OR2AP1: variants seen among roughly 807,000 people sequenced by gnomAD.
OR2AP1 encodes the protein olfactory receptor family 2 subfamily AP member 1.
Under a neutral mutation model 13.9 loss-of-function variants are expected in OR2AP1, and 20 were observed. The ratio of observed to expected loss-of-function variants is 1.44; its 90% CI spans 1.01 to 2.09. The LOEUF (loss-of-function observed/expected upper bound fraction) is 2.09. Among genes scored for constraint, OR2AP1 ranks in the 30% most tolerant of loss-of-function variants. The pLI is 0.00. For synonymous variants in OR2AP1, 174 were observed against 137.0 expected (o/e 1.27, Z -1.89); for missense variants, 490 against 360.6 (o/e 1.36, Z -2.91).
In OR2AP1 at chr12:55,574,211, C is replaced by T; in HGVS notation, c.-195-9C>T. 1.8e-6 allele frequency: 1 copy of T among 552,780 alleles called. No homozygotes were observed. Among genetic ancestry groups the T allele is most frequent in the Admixed American group, 3.5e-5 (1 of 28,910 alleles). 34.2% of individuals were successfully genotyped at this position (552,780 alleles called of 1,614,324 possible). A position where few individuals can be genotyped will look rare whatever the true frequency, so the allele number is the denominator to read the frequency against. ...GTGGAAACATAATGACAAGAACTTTCCTCCATAGGGCAAATGGGACTGGGA... is the reference window on the plus strand; with the variant it reads ...GTGGAAACATAATGACAAGAACTTTTCTCCATAGGGCAAATGGGACTGGGA... On this transcript the variant is annotated splice_polypyrimidine_tract_variant and intron_variant, in intron 1 of 1. Coordinates refer to ENST00000641114, the MANE Select transcript of OR2AP1 (RefSeq NM_001258285.2).
In OR2AP1 at chr12:55,574,767, A is replaced by G. The variant is rs1323712896; in HGVS notation, c.353A>G (p.Tyr118Cys). The G allele has an allele frequency of 1.9e-6, 3 of 1,605,334 alleles. No individual in the cohort carries two copies. Among genetic ancestry groups the G allele is most frequent in the East Asian group, 4.5e-5 (2 of 44,562 alleles). Residue 118 changes from tyrosine to cysteine, a missense_variant, in exon 2 of 2, where the codon TAT becomes TGT. Transcript: ENST00000641114. Reference sequence around the variant, plus strand: ...TTTTACCTTCTGGCTGCCATGTCCTATGACCGCTATGTGGCCATCTGCAAA... The same window carrying G: ...TTTTACCTTCTGGCTGCCATGTCCTGTGACCGCTATGTGGCCATCTGCAAA... Reference protein sequence around the residue: ...TEFYLLAAMSYDRYVAICKPL... With the variant: ...TEFYLLAAMSCDRYVAICKPL...
Position 55,575,253 on chromosome 12 carries a change from C to A in OR2AP1, c.839C>A (p.Ala280Asp). Residue 280 changes from alanine to aspartate, a missense_variant, in exon 2 of 2, where the codon GCT becomes GAT. By Grantham distance (126) the Ala-to-Asp change is moderately radical. Coordinates refer to ENST00000641114, the MANE Select transcript of OR2AP1 (RefSeq NM_001258285.2). ...GTAGCTCTACTCATTACTTCAGTTG[C>A]TCCTTTGTTGAACCCCTTTATTTAC... ...KGVALLITSV[A>D]PLLNPFIYTL... is the part of the protein sequence containing the mutation. 6.4e-7 allele frequency: 1 copy of A among 1,555,438 alleles called. No homozygotes were observed. The highest frequency in any genetic ancestry group is 8.7e-7 in the Non-Finnish European group (1 of 1,155,564).
intron 1 of OR2AP1, 47 bp from the exon 2 acceptor site, chr12:55,574,173 G>A (rs1592345748): frequency 4.3e-6 from 2 of 468,448 alleles, no homozygotes; most frequent in East Asian, 6.9e-5. Flanking sequence ...GTGAGCACTA[G>A]GGAGAGTACA....
rs1458859901 is a variant in OR2AP1, at chr12:55,575,234, C to T, written c.820C>T (p.Leu274=). The change falls in exon 2 of 2, where the codon CTA becomes TTA. Residue 274 remains leucine, a synonymous_variant. Coordinates refer to ENST00000641114, the MANE Select transcript of OR2AP1 (RefSeq NM_001258285.2). Reference sequence around the variant, plus strand: ...GGATACATTCAACAAGGGAGTAGCTCTACTCATTACTTCAGTTGCTCCTTT... The same window carrying T: ...GGATACATTCAACAAGGGAGTAGCTTTACTCATTACTTCAGTTGCTCCTTT... ...EGDTFNKGVA[L]LITSVAPLLN... 5 of 1,569,842 alleles carry T rather than the reference C, an allele frequency of 3.2e-6. No individual in the cohort carries two copies. In the South Asian group the frequency reaches 5.7e-5, roughly 18 times the overall value.
rs894168331 is a variant in OR2AP1, at chr12:55,574,615, G to A, written c.201G>A (p.Leu67=). ...MYFFLRNFSF[L]EISFTNIFIP... ...TCTTTCTCCGGAACTTCTCCTTCTT[G>A]GAAATTTCCTTCACAAACATCTTCA... Residue 67 remains leucine (L), a synonymous_variant, in exon 2 of 2, where the codon TTG becomes TTA. Coordinates refer to ENST00000641114, the MANE Select transcript of OR2AP1 (RefSeq NM_001258285.2). The A allele has an allele frequency of 1.9e-6, 3 of 1,541,438 alleles. No homozygotes were observed. The highest frequency in any genetic ancestry group is 1.4e-5 in the African/African-American group (1 of 73,162).
rs1368522925 is a variant in OR2AP1, at chr12:55,574,203, A to G, written c.-195-17A>G. 3.7e-6 allele frequency: 2 copies of G among 545,994 alleles called. No homozygotes were observed. The highest frequency in any genetic ancestry group is 6.4e-6 in the Non-Finnish European group (2 of 310,720). 33.8% of individuals were successfully genotyped at this position (545,994 alleles called of 1,614,324 possible). ...AGTACAATGTGGAAACATAATGACA[A>G]GAACTTTCCTCCATAGGGCAAATGG... On this transcript the variant is annotated splice_polypyrimidine_tract_variant and intron_variant, in intron 1 of 1. Transcript: ENST00000641114.
In OR2AP1 at chr12:55,574,185, T is replaced by C. The variant is rs1218516346; in HGVS notation, c.-195-35T>C. On this transcript the variant is annotated intron_variant, in intron 1 of 1. Coordinates refer to ENST00000641114, the MANE Select transcript of OR2AP1 (RefSeq NM_001258285.2). ...CATGTGAGCACTAGGGAGAGTACAA[T>C]GTGGAAACATAATGACAAGAACTTT... 1.5e-5 allele frequency: 8 copies of C among 517,072 alleles called. No homozygotes were observed. The Admixed American group carries it at 2.5e-4, about 16-fold the overall frequency. The allele number at this position is 517,072 out of a possible 1,614,324, so 32.0% of individuals were successfully genotyped here.
Position 55,575,210 on chromosome 12 carries a change from G to T in OR2AP1, c.796G>T (p.Asp266Tyr), listed in dbSNP as rs17117692. Residue 266 changes from aspartate (D) to tyrosine (Y), a missense_variant, in exon 2 of 2, where the codon GAT becomes TAT. Transcript: ENST00000641114. ...CATTAATCCCTCTGCAAAAGAAGGGGATACATTCAACAAGGGAGTAGCTCT... is the reference window on the plus strand; with the variant it reads ...CATTAATCCCTCTGCAAAAGAAGGGTATACATTCAACAAGGGAGTAGCTCT... Reference protein sequence around the residue: ...MYINPSAKEGDTFNKGVALLI... With the variant: ...MYINPSAKEGYTFNKGVALLI... The T allele has an allele frequency of 6.3e-7, 1 of 1,588,008 alleles. No individual in the cohort carries two copies. The highest frequency in any genetic ancestry group is 2.3e-5 in the East Asian group (1 of 44,318).
intron 1 of OR2AP1, among the ~76,000 whole-genome samples, chr12:55,573,314 TG>T (rs1874469934): frequency 6.6e-6 from 1 of 152,116 alleles, no homozygotes; most frequent in South Asian, 2.1e-4. Context: ...TTAAAGCTGC[TG>T]CCTTATAAAC....
Position 55,574,234 on chromosome 12 carries a change from G to A in OR2AP1, c.-181G>A. The A allele has an allele frequency of 1.7e-6, 1 of 584,218 alleles. No homozygotes were observed. The highest frequency in any genetic ancestry group is 3.0e-6 in the Non-Finnish European group (1 of 331,644). The allele number at this position is 584,218 out of a possible 1,614,324, so 36.2% of individuals were successfully genotyped here. A position where few individuals can be genotyped will look rare whatever the true frequency, so the allele number is the denominator to read the frequency against. On this transcript the variant is annotated 5_prime_UTR_variant, in exon 2 of 2. Transcript: ENST00000641114. ...TTCCTCCATAGGGCAAATGGGACTG[G>A]GAAGGATCCAACATCATTCAAATGG...
rs1310742263 is a variant in OR2AP1 at position 55,574,709 on chromosome 12, T to C, written c.295T>C (p.Tyr99His). 4 of 1,566,818 alleles carry C rather than the reference T, an allele frequency of 2.6e-6. No homozygotes were observed. The highest frequency in any genetic ancestry group is 2.4e-5 in the East Asian group (1 of 42,338). ...CAGCTTTGCTGGCTGCTTCACTCAGTATTTCTTTGCCATGTTCCTTGGGGC... is the reference window on the plus strand; with the variant it reads ...CAGCTTTGCTGGCTGCTTCACTCAGCATTTCTTTGCCATGTTCCTTGGGGC... ...SISFAGCFTQ[Y>H]FFAMFLGATE... Residue 99 changes from tyrosine to histidine, a missense_variant, in exon 2 of 2, where the codon TAT becomes CAT. Physicochemically the swap from Tyr to His is moderately conservative, Grantham distance 83. Transcript: ENST00000641114.
Position 55,575,474 on chromosome 12 carries a change from A to T in OR2AP1, c.*130A>T, listed in dbSNP as rs534361844. 146 of 576,478 alleles carry T rather than the reference A, an allele frequency of 2.5e-4. No homozygotes were observed. The highest frequency in any genetic ancestry group is 1.4e-3 in the Middle Eastern group (3 of 2,136). 35.7% of individuals were successfully genotyped at this position (576,478 alleles called of 1,614,324 possible). A position where few individuals can be genotyped will look rare whatever the true frequency, so the allele number is the denominator to read the frequency against. ...ATACACCATGGAATACTATGCAGCC[A>T]TTAAAAATGATGAGTTGATGTCCTT... On this transcript the variant is annotated 3_prime_UTR_variant, in exon 2 of 2. Coordinates refer to ENST00000641114, the MANE Select transcript of OR2AP1 (RefSeq NM_001258285.2).
rs761729769 is a variant in OR2AP1 at position 55,574,233 on chromosome 12, G to A, written c.-182G>A. On this transcript the variant is annotated 5_prime_UTR_variant, in exon 2 of 2. Coordinates refer to ENST00000641114, the MANE Select transcript of OR2AP1 (RefSeq NM_001258285.2). Reference sequence around the variant, plus strand: ...TTTCCTCCATAGGGCAAATGGGACTGGGAAGGATCCAACATCATTCAAATG... The same window carrying A: ...TTTCCTCCATAGGGCAAATGGGACTAGGAAGGATCCAACATCATTCAAATG... The A allele has an allele frequency of 1.0e-5, 6 of 584,522 alleles. No homozygotes were observed. Among genetic ancestry groups the A allele is most frequent in the Admixed American group, 3.2e-5 (1 of 31,188 alleles). 36.2% of individuals were successfully genotyped at this position (584,522 alleles called of 1,614,324 possible).
chr12:55,574,561 GGACTCCCACCTTCA>G lies in OR2AP1; in HGVS notation c.156_169del (p.Leu53ValfsTer25), dbSNP rs780681633. ...TGACTATCCTCATCCTCACCTTGCT[GGACTCCCACCTTCA>G]GACTCCCATGTATTTCTTTCTCCGG... On this transcript the variant is annotated frameshift_variant, in exon 2 of 2. Coordinates refer to ENST00000641114, the MANE Select transcript of OR2AP1 (RefSeq NM_001258285.2). LOFTEE classifies it high-confidence loss of function. 4 of 1,540,068 alleles carry G rather than the reference GGACTCCCACCTTCA, an allele frequency of 2.6e-6. No individual in the cohort carries two copies. Among genetic ancestry groups the G allele is most frequent in the Non-Finnish European group, 2.6e-6 (3 of 1,148,348 alleles).
Position 55,575,091 on chromosome 12 carries a change from TC to T in OR2AP1, c.681del (p.Ser228LeufsTer16). 1 of 1,569,514 alleles carries T rather than the reference TC, an allele frequency of 6.4e-7. No individual in the cohort carries two copies. ...TTCATTATCAAGACTATTCTGAAGC[TC>T]CCCTCTGCCCAACAAAGGACAAAAG... is the stretch of plus-strand genomic sequence containing the variant. ...YAFIIKTILK[L>X]PSAQQRTKAF... is the part of the protein sequence containing the mutation. On this transcript the variant is annotated frameshift_variant, in exon 2 of 2. Transcript: ENST00000641114. LOFTEE classifies it high-confidence loss of function.
Position 55,575,398 on chromosome 12 carries a change from C to T in OR2AP1, c.*54C>T, listed in dbSNP as rs1354046447. On this transcript the variant is annotated 3_prime_UTR_variant, in exon 2 of 2. Transcript: ENST00000641114. Reference sequence around the variant, plus strand: ...TATTCACAATAGCAAAGACTTGGAACCAACCCAAATGTCCAACAATGATAG... The same window carrying T: ...TATTCACAATAGCAAAGACTTGGAATCAACCCAAATGTCCAACAATGATAG... The T allele has an allele frequency of 9.9e-7, 1 of 1,012,668 alleles. No individual in the cohort carries two copies. The highest frequency in any genetic ancestry group is 1.6e-5 in the African/African-American group (1 of 61,562). 62.7% of individuals were successfully genotyped at this position (1,012,668 alleles called of 1,614,324 possible). A position where few individuals can be genotyped will look rare whatever the true frequency, so the allele number is the denominator to read the frequency against.
Position 55,575,386 on chromosome 12 carries a change from A to G in OR2AP1, c.*42A>G, listed in dbSNP as rs1347451524. The G allele has an allele frequency of 2.5e-6, 3 of 1,197,256 alleles. No homozygotes were observed. The highest frequency in any genetic ancestry group is 3.4e-6 in the Non-Finnish European group (3 of 871,402). The allele number at this position is 1,197,256 out of a possible 1,614,324, so 74.2% of individuals were successfully genotyped here. The stretch of plus-strand genomic sequence containing the variant: ...GCATCGCGACATTATTCACAATAGC[A>G]AAGACTTGGAACCAACCCAAATGTC... On this transcript the variant is annotated 3_prime_UTR_variant, in exon 2 of 2. Coordinates refer to ENST00000641114, the MANE Select transcript of OR2AP1 (RefSeq NM_001258285.2).
chr12:55,575,219 A>G lies in OR2AP1; in HGVS notation c.805A>G (p.Asn269Asp), dbSNP rs1444638587. Residue 269 changes from asparagine to aspartate, a missense_variant, in exon 2 of 2, where the codon AAC (asparagine) becomes GAC (aspartate). By Grantham distance (23) the Asn-to-Asp change is conservative (BLOSUM62 1). Coordinates refer to ENST00000641114, the MANE Select transcript of OR2AP1 (RefSeq NM_001258285.2). ...CTCTGCAAAAGAAGGGGATACATTC[A>G]ACAAGGGAGTAGCTCTACTCATTAC... ...NPSAKEGDTF[N>D]KGVALLITSV... is the part of the protein sequence containing the mutation. 6.3e-7 allele frequency: 1 copy of G among 1,582,868 alleles called. No individual in the cohort carries two copies. Among genetic ancestry groups the G allele is most frequent in the African/African-American group, 1.3e-5 (1 of 74,402 alleles).
chr12:55,574,641 T>C lies in OR2AP1; in HGVS notation c.227T>C (p.Ile76Thr). ...GAAATTTCCTTCACAAACATCTTCA[T>C]TCCAAGGGTCCTGATTAGCATCACA... The part of the protein sequence containing the change: ...FLEISFTNIF[I>T]PRVLISITTG... The change falls in exon 2 of 2, where the codon ATT becomes ACT. Residue 76 changes from isoleucine (I) to threonine (T), a missense_variant. Physicochemically the swap from Ile to Thr is moderately conservative, Grantham distance 89. Transcript: ENST00000641114. 5.8e-6 allele frequency: 9 copies of C among 1,543,870 alleles called. No homozygotes were observed. The highest frequency in any genetic ancestry group is 2.4e-5 in the South Asian group (2 of 84,372).
Sources: allele counts gnomAD v4.1 joint callset (sites outside exome capture counted in the v4.1 genomes callset), GRCh38; gene constraint gnomAD v4.1.1; transcripts MANE v1.5; gene names NCBI Gene and HGNC (gene_info 2026-07-23, HGNC 2026-07-21).